PEF1: variants seen among roughly 807,000 people sequenced by gnomAD.
PEF1 encodes peflin.
In PEF1, 17 loss-of-function variants were observed where a neutral mutation model predicts 32.0. That is an observed-to-expected ratio of 0.53 (90% CI 0.36 to 0.80). PEF1 has a LOEUF of 0.80. Ranked by LOEUF, PEF1 falls within the 30% of genes least tolerant of loss-of-function variation. PEF1 has a pLI of 0.00. For synonymous variants in PEF1, 130 were observed against 139.8 expected, an observed-to-expected ratio of 0.93 and a Z score of 0.50; for missense variants, 362 against 369.1, an observed-to-expected ratio of 0.98 and a Z score of 0.16.
chr1:31,644,600 C>T lies in PEF1; in HGVS notation c.24+241G>A, dbSNP rs545645067. On this transcript the variant is annotated intron_variant, in intron 1 of 4. Transcript: ENST00000373703. Reference sequence around the variant, plus strand: ...GCCTGGACCTGTGGGGTCCAAGGTCCCCAAATCCTCGAGTGAGCGACGTCA... The same window carrying T: ...GCCTGGACCTGTGGGGTCCAAGGTCTCCAAATCCTCGAGTGAGCGACGTCA... The T allele has an allele frequency of 7.0e-6, 10 of 1,437,268 alleles. No homozygotes were observed. The African/African-American group carries it at 1.4e-4, about 21-fold the overall frequency. The allele number at this position is 1,437,268 out of a possible 1,614,324, so 89.0% of individuals were successfully genotyped here. A position where few individuals can be genotyped will look rare whatever the true frequency, so the allele number is the denominator to read the frequency against.
chr1:31,639,202 A>G (rs1374917229), intron 1 of PEF1, among the ~76,000 whole-genome samples: 2 of 152,212 alleles, frequency 1.3e-5, no homozygotes, highest in Non-Finnish European at 2.9e-5. Flanking sequence ...AAGAGTGAGC[A>G]TAGTGCATTC....
At chr1:31,638,333 C>A (rs1337774047) in intron 1 of PEF1, among the ~76,000 whole-genome samples, 1 of 152,090 alleles carries the variant, frequency 6.6e-6, no homozygotes, top group East Asian at 1.9e-4. Flanking sequence ...CAAGGCTGGA[C>A]CACTCCCTTG....
At chr1:31,632,418 C>T in intron 4 of PEF1, 77 bp downstream of exon 4, 1 of 1,605,808 alleles carries the variant, frequency 6.2e-7, no homozygotes, top group African/African-American at 1.3e-5. Flanking sequence ...AAGAGGAAAC[C>T]CCTTTGTTGT....
At position 31,630,751 on chromosome 1, in the gene PEF1, C is replaced by T. The variant is rs1640074784; in HGVS notation, c.717G>A (p.Gln239=). Residue 239 remains glutamine (Q), a synonymous_variant, in exon 5 of 5, where the codon CAG becomes CAA. Coordinates refer to ENST00000373703, the MANE Select transcript of PEF1 (RefSeq NM_012392.4). ...YCPRSANPAM[Q]LDRFIQVCTQ... is the part of the protein sequence containing the mutation. Reference sequence around the variant, plus strand: ...TGCACACCTGGATGAAGCGGTCAAGCTGCATGGCAGGATTGGCAGAGCGTG... The same window carrying T: ...TGCACACCTGGATGAAGCGGTCAAGTTGCATGGCAGGATTGGCAGAGCGTG... 5.0e-6 allele frequency: 8 copies of T among 1,614,012 alleles called. No individual in the cohort carries two copies. Among genetic ancestry groups the T allele is most frequent in the Non-Finnish European group, 6.8e-6 (8 of 1,180,046 alleles).
In PEF1 at chr1:31,630,250, G is replaced by C. The variant is rs1640057578; in HGVS notation, c.*363C>G. 3.3e-6 allele frequency: 1 copy of C among 306,958 alleles called. No individual in the cohort carries two copies. The highest frequency in any genetic ancestry group is 6.4e-6 in the Non-Finnish European group (1 of 156,992). 19.0% of individuals were successfully genotyped at this position (306,958 alleles called of 1,614,324 possible). ...TGGTGAGGGAACACAGGTACTAACG[G>C]TAACAGGCCGATGAACACTCACCAC... On this transcript the variant is annotated 3_prime_UTR_variant, in exon 5 of 5. Coordinates refer to ENST00000373703, the MANE Select transcript of PEF1 (RefSeq NM_012392.4).
chr1:31,640,225 C>T (rs1450622785), intron 1 of PEF1, among the ~76,000 whole-genome samples: 1 of 152,196 alleles, frequency 6.6e-6, no homozygotes, highest in African/African-American at 2.4e-5. Flanking sequence ...CCAGTTCAAC[C>T]AGCTCTCACT....
intron 2 of PEF1, 149 bp from the exon 3 acceptor site, chr1:31,633,463 A>G: frequency 4.6e-6 from 4 of 872,624 alleles, no homozygotes; most frequent in Non-Finnish European, 6.9e-6. Context: ...CTCTGATGGA[A>G]GAGGACCTTC....
intron 1 of PEF1, 45 bp downstream of exon 1, chr1:31,644,796 C>G (rs1640508502): frequency 6.2e-7 from 1 of 1,613,324 alleles, no homozygotes; most frequent in Non-Finnish European, 8.5e-7. Context: ...GGGCCTGCGC[C>G]TGGCACCGCC....
At chr1:31,644,271 G>T in intron 1 of PEF1, 3 of 688,714 alleles carry the variant, frequency 4.4e-6, no homozygotes, top group Non-Finnish European at 5.4e-6. Context: ...CCTCGGCCCT[G>T]CTGCCTAACT....
chr1:31,637,223 T>C (rs1370754028), intron 1 of PEF1, among the ~76,000 whole-genome samples: 1 of 152,102 alleles, frequency 6.6e-6, no homozygotes, highest in Non-Finnish European at 1.5e-5. Flanking sequence ...TCATAGCTAC[T>C]AGCAAGACTC....
chr1:31,641,721 C>A (rs1640395021), intron 1 of PEF1, among the ~76,000 whole-genome samples: 3 of 152,196 alleles, frequency 2.0e-5, no homozygotes, highest in South Asian at 4.1e-4. Flanking sequence ...AAAATGCACC[C>A]CTAGACTGAG....
intron 1 of PEF1, among the ~76,000 whole-genome samples, chr1:31,640,326 A>G (rs528348110): frequency 6.6e-6 from 1 of 152,330 alleles, no homozygotes; most frequent in East Asian, 1.9e-4. Context: ...GCCTGAGATC[A>G]TGCAGCTAGA....
At chr1:31,631,048 C>G (rs763716661) in intron 4 of PEF1, among the ~76,000 whole-genome samples, 2 of 152,156 alleles carry the variant, frequency 1.3e-5, no homozygotes, top group African/African-American at 4.8e-5. Context: ...AGGTGGAAGG[C>G]CCTCATCCCT....
chr1:31,635,559 G>T (rs770408297), intron 1 of PEF1, 37 bp from the exon 2 acceptor site: 57 of 1,498,164 alleles, frequency 3.8e-5, no homozygotes, highest in Non-Finnish European at 4.7e-5. Flanking sequence ...GAATGATGAG[G>T]CCAGAAACTA....
At position 31,632,721 on chromosome 1, in the gene PEF1, C is replaced by G; in HGVS notation, c.482-83G>C. ...CCCCTCAGGACCCATTGAGGCAGCC[C>G]TTCTCTCCAGGCTGGAGTAGGCGAC... On this transcript the variant is annotated intron_variant, in intron 3 of 4. Coordinates refer to ENST00000373703, the MANE Select transcript of PEF1 (RefSeq NM_012392.4). The G allele has an allele frequency of 7.3e-6, 11 of 1,499,676 alleles. No homozygotes were observed. The South Asian group carries it at 1.4e-4, about 19-fold the overall frequency. The allele number at this position is 1,499,676 out of a possible 1,614,324, so 92.9% of individuals were successfully genotyped here.
Position 31,633,170 on chromosome 1 carries a change from AG to A in PEF1, c.469del (p.Leu157SerfsTer2), listed in dbSNP as rs754724978. On this transcript the variant is annotated frameshift_variant, in exon 3 of 5. Coordinates refer to ENST00000373703, the MANE Select transcript of PEF1 (RefSeq NM_012392.4). LOFTEE classifies it high-confidence loss of function. ...AGGCGGAGACTCACTTATCATCATG[AG>A]GCAGGTCTCATCATTGAATGAAGAC... is the stretch of plus-strand genomic sequence containing the variant. ...NWSSFNDETC[L>X]MMINMFDKTK... 12 of 1,613,596 alleles carry A rather than the reference AG, an allele frequency of 7.4e-6. No homozygotes were observed. The highest frequency in any genetic ancestry group is 9.3e-6 in the Non-Finnish European group (11 of 1,179,782).
At chr1:31,638,203 T>C (rs1215876075) in intron 1 of PEF1, among the ~76,000 whole-genome samples, 4 of 151,552 alleles carry the variant, frequency 2.6e-5, no homozygotes, top group Admixed American at 1.3e-4. Flanking sequence ...TCCCAAGGGG[T>C]TGGAGAGGTG....
chr1:31,644,191 T>C (rs1640482315), intron 1 of PEF1: 1 of 178,926 alleles, frequency 5.6e-6, no homozygotes, highest in Admixed American at 6.5e-5. Context: ...CAGAATCACC[T>C]TGCTGCGGTA....
intron 2 of PEF1, chr1:31,634,860 G>A: frequency 2.1e-6 from 1 of 474,368 alleles, no homozygotes; most frequent in Non-Finnish European, 4.2e-6. Flanking sequence ...GAGGCATTGT[G>A]CATTCTTGCT....
Sources: gnomAD v4.1 joint callset for allele counts (sites outside exome capture counted in the v4.1 genomes callset) on GRCh38, gnomAD v4.1.1 for gene constraint, MANE v1.5 for transcripts, NCBI Gene and HGNC (gene_info 2026-07-23, HGNC 2026-07-21) for gene names.